Variants in CORO2B observed in about 807,000 individuals in gnomAD.
CORO2B encodes coronin-2B.
In CORO2B, 26 loss-of-function variants were observed where a neutral mutation model predicts 58.8. That is an observed-to-expected ratio of 0.44 (90% CI 0.32 to 0.61). The LOEUF (loss-of-function observed/expected upper bound fraction) is 0.61, where lower values mean the gene tolerates loss of function less well. Among genes scored for constraint, CORO2B ranks in the 20% least tolerant of loss-of-function variants. The probability of loss-of-function intolerance (pLI) is 0.04; values close to 1 mark genes in which losing one functional copy is unlikely to be tolerated. For synonymous variants in CORO2B, 242 were observed against 253.8 expected (o/e 0.95, Z 0.44); for missense variants, 460 against 645.1 (o/e 0.71, Z 3.11).
intron 3 of CORO2B, among the ~76,000 whole-genome samples, chr15:68,698,382 C>T (rs547991028): frequency 1.3e-5 from 2 of 152,320 alleles, no homozygotes; most frequent in South Asian, 4.1e-4. Context: ...CTCAATTTCT[C>T]CTGCCTGGCT....
intron 3 of CORO2B, among the ~76,000 whole-genome samples, chr15:68,703,893 C>A (rs1892718370): frequency 6.6e-6 from 1 of 151,956 alleles, no homozygotes; most frequent in Non-Finnish European, 1.5e-5. Flanking sequence ...CAACAAAGTG[C>A]ACATGAAAAA....
At chr15:68,651,763 C>G (rs894908616) in intron 2 of CORO2B, among the ~76,000 whole-genome samples, 2 of 152,170 alleles carry the variant, frequency 1.3e-5, no homozygotes, top group Non-Finnish European at 2.9e-5. Flanking sequence ...ACAGCACCTG[C>G]CCAGGATCCC....
chr15:68,577,287 A>G (rs1373877971), upstream of CORO2B, among the ~76,000 whole-genome samples: 1 of 152,108 alleles, frequency 6.6e-6, no homozygotes, highest in African/African-American at 2.4e-5. Flanking sequence ...ATTTAAGAAG[A>G]CTTTCATTCA....
At chr15:68,619,871 C>T (rs377601822) in intron 1 of CORO2B, among the ~76,000 whole-genome samples, 12 of 152,096 alleles carry the variant, frequency 7.9e-5, no homozygotes, top group East Asian at 3.9e-4. Context: ...ATGCTGGCAT[C>T]GTCACTCTCA....
intron 1 of CORO2B, among the ~76,000 whole-genome samples, chr15:68,611,631 G>A (rs977671094): frequency 3.9e-5 from 6 of 152,042 alleles, no homozygotes; most frequent in Admixed American, 3.9e-4. Flanking sequence ...TTCTACAATT[G>A]ATTGAATTAG....
chr15:68,691,842 G>T (rs1359899552), intron 2 of CORO2B, among the ~76,000 whole-genome samples: 1 of 152,110 alleles, frequency 6.6e-6, no homozygotes, highest in Admixed American at 6.5e-5. Flanking sequence ...CTGGCTAGAA[G>T]CTCCTGTTAT....
upstream of CORO2B, among the ~76,000 whole-genome samples, chr15:68,575,411 C>T (rs1307127559): frequency 7.7e-6 from 1 of 129,168 alleles, no homozygotes; most frequent in African/African-American, 2.9e-5. Flanking sequence ...GATCTCAGCT[C>T]ACTGCAACCT....
At chr15:68,548,132 C>A in the CORO2B span, among the ~76,000 whole-genome samples, 1 of 151,828 alleles carries the variant, frequency 6.6e-6, no homozygotes, top group African/African-American at 2.4e-5. Context: ...GATCATGCCA[C>A]TGCACTCCAG....
At chr15:68,691,186 G>T (rs1182978580) in intron 2 of CORO2B, among the ~76,000 whole-genome samples, 1 of 150,542 alleles carries the variant, frequency 6.6e-6, no homozygotes, top group African/African-American at 2.4e-5. Flanking sequence ...AAAATTAGCC[G>T]GGCAAGGTGG....
intron 1 of CORO2B, among the ~76,000 whole-genome samples, chr15:68,628,629 A>G (rs181175077): frequency 1.3e-5 from 2 of 152,282 alleles, no homozygotes; most frequent in East Asian, 3.9e-4. Context: ...CTGTACATGT[A>G]TTTTCTTTTA....
chr15:68,592,367 T>A (rs950110734), intron 1 of CORO2B, among the ~76,000 whole-genome samples: 1 of 152,150 alleles, frequency 6.6e-6, no homozygotes, highest in Non-Finnish European at 1.5e-5. Context: ...GTCTATTTCA[T>A]TGGGAGAGCC....
intron 1 of CORO2B, among the ~76,000 whole-genome samples, chr15:68,598,749 C>T (rs145549907): frequency 1.1e-3 from 167 of 152,334 alleles, no homozygotes; most frequent in African/African-American, 3.8e-3. Context: ...AGCTGATCTG[C>T]TAACTGGACT....
At chr15:68,629,725 TTGGAC>T (rs1900775433) in intron 1 of CORO2B, among the ~76,000 whole-genome samples, 2 of 152,128 alleles carry the variant, frequency 1.3e-5, no homozygotes, top group African/African-American at 4.8e-5. Flanking sequence ...TCAGGAGGAC[TTGGAC>T]GAGGCTGAGG....
intron 3 of CORO2B, among the ~76,000 whole-genome samples, chr15:68,704,923 A>G (rs8026438): frequency 0.032 from 4,797 of 152,218 alleles, 233 homozygotes; most frequent in African/African-American, 0.11. Flanking sequence ...AACCTCCCAG[A>G]GCAACCTCTG....
At chr15:68,533,232 T>G in the CORO2B span, among the ~76,000 whole-genome samples, 27 of 152,198 alleles carry the variant, frequency 1.8e-4, no homozygotes, top group Non-Finnish European at 2.6e-4. Context: ...TGTTAACCAA[T>G]ATCTGAAAAA....
chr15:68,605,326 C>T lies in CORO2B; in HGVS notation c.15+26049C>T, dbSNP rs113596318. On this transcript the variant is annotated intron_variant, in intron 1 of 11. Coordinates refer to ENST00000261861, the MANE Select transcript of CORO2B (RefSeq NM_006091.5). ...TCCATATCCTGTGACCTAGTAATCC[C>T]GCTTCTGGGAACCTGTCCAAAGGAA... 3.6e-3 allele frequency among the ~76,000 whole-genome samples: 555 copies of T among 152,244 alleles called. 5 individuals carry two copies. Among genetic ancestry groups the T allele is most frequent in the African/African-American group, 0.013 (522 of 41,524 alleles).
At position 68,602,406 on chromosome 15, in the gene CORO2B, A is replaced by ATC. The variant is rs1316653200; in HGVS notation, c.15+23130_15+23131dup. 1.1e-3 allele frequency among the ~76,000 whole-genome samples: 131 copies of ATC among 117,300 alleles called. 1 individual carries two copies. Among genetic ancestry groups the ATC allele is most frequent in the African/African-American group, 4.2e-3 (120 of 28,364 alleles). 77.0% of individuals were successfully genotyped at this position (117,300 alleles called of 152,430 possible). On this transcript the variant is annotated intron_variant, in intron 1 of 11. Transcript: ENST00000261861. The stretch of plus-strand genomic sequence containing the variant: ...TTGGTCCTGCCCAAATTAGGGGCTG[A>ATC]TCACACACACACACACACACACACA...
chr15:68,661,548 TACA>T (rs535594366), intron 2 of CORO2B, among the ~76,000 whole-genome samples: 231 of 152,326 alleles, frequency 1.5e-3, no homozygotes, highest in African/African-American at 5.4e-3. Flanking sequence ...TTAGCAGCTT[TACA>T]GATAAGGGTA....
At chr15:68,531,785 G>A in the CORO2B span, among the ~76,000 whole-genome samples, 1 of 151,024 alleles carries the variant, frequency 6.6e-6, no homozygotes, top group African/African-American at 2.4e-5. Flanking sequence ...TTTCCATCTA[G>A]TATCATTTTA....
Sources: gnomAD v4.1 joint callset for allele counts (sites outside exome capture counted in the v4.1 genomes callset) on GRCh38, gnomAD v4.1.1 for gene constraint, MANE v1.5 for transcripts, NCBI Gene and HGNC (gene_info 2026-07-23, HGNC 2026-07-21) for gene names.